Variants in VAT1L observed in about 807,000 individuals in gnomAD.
VAT1L encodes putative NADPH-dependent quinone oxidoreductase VAT1L.
Under a neutral mutation model 44.1 loss-of-function variants are expected in VAT1L, and 34 were observed. The observed-to-expected ratio is 0.77, with a 90% CI of 0.59 to 1.03. The LOEUF is 1.03. VAT1L is among the 50% of genes least tolerant of loss of function. The pLI is 0.00. For missense variants in VAT1L, 615 were observed against 538.8 expected (o/e 1.14, Z -1.40); for synonymous variants, 253 against 202.2 (o/e 1.25, Z -2.13).
At chr16:77,841,132 G>A (rs2016700142) in intron 3 of VAT1L, among the ~76,000 whole-genome samples, 1 of 152,312 alleles carries the variant, frequency 6.6e-6, no homozygotes, top group South Asian at 2.1e-4. Context: ...CTGGACTAGA[G>A]TGCAGTAGTG....
At chr16:77,815,842 C>T (rs1198859934) in intron 1 of VAT1L, among the ~76,000 whole-genome samples, 1 of 151,796 alleles carries the variant, frequency 6.6e-6, no homozygotes, top group Non-Finnish European at 1.5e-5. Context: ...TTGGTGTGCA[C>T]CTGTAATCCC....
chr16:77,892,374 G>C (rs982716333), intron 7 of VAT1L: 1 of 370,850 alleles, frequency 2.7e-6, no homozygotes, highest in Admixed American at 3.5e-5. Flanking sequence ...CACAGTGTGG[G>C]GCAAGGATTT....
At chr16:77,956,141 T>C (rs1344116786) in intron 7 of VAT1L, among the ~76,000 whole-genome samples, 3 of 152,206 alleles carry the variant, frequency 2.0e-5, no homozygotes, top group Non-Finnish European at 4.4e-5. Context: ...TTCTCCATGA[T>C]GTGATTACTA....
chr16:77,825,337 A>T lies in VAT1L; in HGVS notation c.455A>T (p.Asp152Val). ...GAGTTTGTCTACAAGATCCCGGATG[A>T]CATGAGCTTCTCCGAGGCTGCTGCA... ...PVEFVYKIPD[D>V]MSFSEAAAFP... The change falls in exon 3 of 9, where the codon GAC (aspartate) becomes GTC (valine). Residue 152 changes from aspartate (D) to valine (V), a missense_variant. By Grantham distance (152) the Asp-to-Val change is radical. Transcript: ENST00000302536. 6.2e-7 allele frequency: 1 copy of T among 1,614,210 alleles called. No homozygotes were observed. The highest frequency in any genetic ancestry group is 8.5e-7 in the Non-Finnish European group (1 of 1,180,048).
chr16:77,800,369 C>T (rs1005860692), intron 1 of VAT1L: 5 of 152,280 alleles, frequency 3.3e-5, no homozygotes, highest in Admixed American at 1.3e-4. Flanking sequence ...TCAAGCATCC[C>T]TGCAATACAT....
chr16:77,810,728 C>G (rs1339841576), intron 1 of VAT1L, among the ~76,000 whole-genome samples: 2 of 152,072 alleles, frequency 1.3e-5, no homozygotes, highest in Non-Finnish European at 2.9e-5. Context: ...TCAGAGCTTC[C>G]TAGCAGCCAA....
chr16:77,829,300 T>A (rs1015360969), intron 3 of VAT1L, among the ~76,000 whole-genome samples: 5 of 152,200 alleles, frequency 3.3e-5, no homozygotes, highest in Non-Finnish European at 7.3e-5. Context: ...AGACTAAACC[T>A]AGTAATAGCT....
intron 3 of VAT1L, among the ~76,000 whole-genome samples, chr16:77,842,089 A>G (rs1014084536): frequency 1.3e-5 from 2 of 152,052 alleles, no homozygotes; most frequent in Non-Finnish European, 1.5e-5. Context: ...GGGTTTCACC[A>G]TGTTAGCCAG....
chr16:77,937,939 C>G (rs1416405388), intron 7 of VAT1L, among the ~76,000 whole-genome samples: 3 of 152,198 alleles, frequency 2.0e-5, no homozygotes, highest in Non-Finnish European at 4.4e-5. Context: ...AAAGAATATG[C>G]TAAGTCACTG....
At chr16:77,799,981 T>C (rs776089439) in intron 1 of VAT1L, 1 of 152,166 alleles carries the variant, frequency 6.6e-6, no homozygotes, top group Non-Finnish European at 1.5e-5. Context: ...ATGACCTTCC[T>C]AATACAAACA....
intron 7 of VAT1L, among the ~76,000 whole-genome samples, chr16:77,946,109 C>T (rs1272662480): frequency 6.6e-6 from 1 of 151,046 alleles, no homozygotes; most frequent in African/African-American, 2.4e-5. Flanking sequence ...CAGGGCTTGC[C>T]GTTTTTTAGA....
At chr16:77,883,999 C>T (rs866298497) in intron 6 of VAT1L, among the ~76,000 whole-genome samples, 14 of 152,148 alleles carry the variant, frequency 9.2e-5, no homozygotes, top group Admixed American at 6.5e-5. Flanking sequence ...TGTAGAGCCA[C>T]GATTCAAGTC....
intron 1 of VAT1L, chr16:77,801,280 C>G (rs1291608432): frequency 5.9e-5 from 9 of 152,134 alleles, no homozygotes; most frequent in Admixed American, 5.2e-4. Context: ...GCTACAGAGA[C>G]CTTGGCTTCA....
intron 1 of VAT1L, among the ~76,000 whole-genome samples, chr16:77,813,039 G>A (rs1031497125): frequency 2.6e-5 from 4 of 152,114 alleles, no homozygotes; most frequent in African/African-American, 7.2e-5. Flanking sequence ...TTGTGGGCCT[G>A]AGTCATCAGG....
chr16:77,840,864 C>T (rs929920611), intron 3 of VAT1L, among the ~76,000 whole-genome samples: 1 of 152,150 alleles, frequency 6.6e-6, no homozygotes, highest in Non-Finnish European at 1.5e-5. Flanking sequence ...GCATACTTAG[C>T]TATTTTTAAC....
At chr16:77,894,927 C>T (rs1016309233) in intron 7 of VAT1L, among the ~76,000 whole-genome samples, 1 of 152,094 alleles carries the variant, frequency 6.6e-6, no homozygotes, top group Non-Finnish European at 1.5e-5. Context: ...CCTCAGAAAA[C>T]CATCCCACCT....
At chr16:77,855,580 A>G (rs752779307) in intron 3 of VAT1L, among the ~76,000 whole-genome samples, 1 of 152,196 alleles carries the variant, frequency 6.6e-6, no homozygotes, top group Non-Finnish European at 1.5e-5. Context: ...TCTCATTCTC[A>G]TGGTTTAGGA....
intron 5 of VAT1L, among the ~76,000 whole-genome samples, chr16:77,878,714 T>C (rs372165953): frequency 1.3e-5 from 2 of 152,110 alleles, no homozygotes; most frequent in East Asian, 1.9e-4. Context: ...CCATCTATAT[T>C]TTAACTCTGC....
intron 7 of VAT1L, among the ~76,000 whole-genome samples, chr16:77,924,270 A>T (rs1445067235): frequency 6.6e-6 from 1 of 151,936 alleles, no homozygotes; most frequent in African/African-American, 2.4e-5. Flanking sequence ...TGCAGGCAGG[A>T]TCTCTTTTTC....
Sources: gnomAD v4.1 joint callset for allele counts (sites outside exome capture counted in the v4.1 genomes callset) on GRCh38, gnomAD v4.1.1 for gene constraint, MANE v1.5 for transcripts, NCBI Gene and HGNC (gene_info 2026-07-23, HGNC 2026-07-21) for gene names.